Variants in ANKRD6 observed in about 807,000 individuals in gnomAD.
ANKRD6 encodes the protein ankyrin repeat domain-containing protein 6.
A neutral mutation model predicts 82.3 loss-of-function variants in ANKRD6; 56 were observed. The observed-to-expected ratio is 0.68, with a 90% CI of 0.55 to 0.85. The LOEUF is 0.85. ANKRD6 is among the 40% of genes least tolerant of loss of function. The pLI is 0.00. For missense variants in ANKRD6, 852 were observed against 907.6 expected (o/e 0.94, Z 0.79); for synonymous variants, 347 against 352.1 (o/e 0.99, Z 0.16).
At chr6:89,515,964 A>G (rs2127954258) in intron 1 of ANKRD6, among the ~76,000 whole-genome samples, 1 of 152,368 alleles carries the variant, frequency 6.6e-6, no homozygotes, top group East Asian at 1.9e-4. Context: ...ATCTGCAGCC[A>G]CAAGAAGCTA....
intron 2 of ANKRD6, among the ~76,000 whole-genome samples, chr6:89,576,472 G>A (rs1242412020): frequency 6.6e-6 from 1 of 152,186 alleles, no homozygotes; most frequent in African/African-American, 2.4e-5. Flanking sequence ...TATCTCTGGA[G>A]CAGATTATTA....
chr6:89,575,769 C>T (rs992550618), intron 2 of ANKRD6, among the ~76,000 whole-genome samples: 6 of 152,166 alleles, frequency 3.9e-5, no homozygotes, highest in African/African-American at 1.2e-4. Context: ...ATAGGGCATG[C>T]CAGAGCCCAG....
chr6:89,483,718 A>G (rs542975491), intron 1 of ANKRD6, among the ~76,000 whole-genome samples: 5 of 152,344 alleles, frequency 3.3e-5, no homozygotes, highest in Admixed American at 3.3e-4. Context: ...AATGAATACT[A>G]CTAGGTGATT....
intron 2 of ANKRD6, among the ~76,000 whole-genome samples, chr6:89,583,771 T>G (rs1188135668): frequency 6.6e-6 from 1 of 152,244 alleles, no homozygotes; most frequent in Admixed American, 6.5e-5. Context: ...AATTGCAATG[T>G]CTTTTCCTCC....
intron 1 of ANKRD6, among the ~76,000 whole-genome samples, chr6:89,500,514 A>G (rs1380854127): frequency 6.6e-6 from 1 of 152,226 alleles, no homozygotes; most frequent in Non-Finnish European, 1.5e-5. Flanking sequence ...TAATAAAGCA[A>G]TACATTAAAA....
intron 2 of ANKRD6, among the ~76,000 whole-genome samples, chr6:89,585,543 GA>G (rs1256464686): frequency 6.6e-6 from 1 of 152,206 alleles, no homozygotes; most frequent in African/African-American, 2.4e-5. Context: ...ATGGGCCCAA[GA>G]ATAAGCAGAA....
At chr6:89,460,961 G>C (rs1044345531) in intron 1 of ANKRD6, among the ~76,000 whole-genome samples, 3 of 149,092 alleles carry the variant, frequency 2.0e-5, no homozygotes, top group Non-Finnish European at 4.4e-5. Context: ...AGTGCAGTAA[G>C]CTGTTCACAG....
chr6:89,569,709 G>C (rs1323855226), intron 2 of ANKRD6, among the ~76,000 whole-genome samples: 1 of 152,140 alleles, frequency 6.6e-6, no homozygotes, highest in African/African-American at 2.4e-5. Context: ...CATTCTACCA[G>C]CAATGTATGA....
intron 1 of ANKRD6, among the ~76,000 whole-genome samples, chr6:89,458,948 A>G (rs771734413): frequency 3.9e-5 from 6 of 152,200 alleles, no homozygotes; most frequent in Non-Finnish European, 8.8e-5. Context: ...TGCCACCCCC[A>G]CATTTGACAT....
intron 1 of ANKRD6, among the ~76,000 whole-genome samples, chr6:89,490,846 A>G (rs1383179790): frequency 6.6e-6 from 1 of 152,158 alleles, no homozygotes; most frequent in Non-Finnish European, 1.5e-5. Context: ...CCCCCAAAAG[A>G]TAAGTCCATG....
At chr6:89,503,576 ATATT>A (rs1398264252) in intron 1 of ANKRD6, among the ~76,000 whole-genome samples, 1 of 152,180 alleles carries the variant, frequency 6.6e-6, no homozygotes, top group African/African-American at 2.4e-5. Flanking sequence ...AATTCAATAA[ATATT>A]AAGTGCCTGC....
chr6:89,530,911 G>C (rs1019027483), intron 1 of ANKRD6, among the ~76,000 whole-genome samples: 1 of 152,170 alleles, frequency 6.6e-6, no homozygotes, highest in Admixed American at 6.5e-5. Flanking sequence ...ACTACCTCAA[G>C]GAACAGATCT....
chr6:89,525,371 G>A (rs1782369477), intron 1 of ANKRD6, among the ~76,000 whole-genome samples: 1 of 151,454 alleles, frequency 6.6e-6, no homozygotes, highest in South Asian at 2.1e-4. Context: ...AGAGCTCTCA[G>A]ATGGCAGCAA....
At chr6:89,441,558 A>G (rs1771382408) in intron 1 of ANKRD6, among the ~76,000 whole-genome samples, 1 of 149,840 alleles carries the variant, frequency 6.7e-6, no homozygotes, top group South Asian at 2.1e-4. Flanking sequence ...CCTGTAAAGC[A>G]TTTAAAGAGG....
intron 1 of ANKRD6, among the ~76,000 whole-genome samples, chr6:89,500,179 A>G (rs566079557): frequency 6.6e-6 from 1 of 152,246 alleles, no homozygotes; most frequent in African/African-American, 2.4e-5. Flanking sequence ...TCTGTCACTG[A>G]GACAGCTTCT....
intron 6 of ANKRD6, 135 bp downstream of exon 6, chr6:89,612,505 T>G: frequency 2.2e-6 from 2 of 927,492 alleles, no homozygotes; most frequent in Non-Finnish European, 3.1e-6. Flanking sequence ...TCTAAAGTGT[T>G]CTTTTTTTGG....
chr6:89,442,197 T>C (rs972581123), intron 1 of ANKRD6, among the ~76,000 whole-genome samples: 1 of 152,104 alleles, frequency 6.6e-6, no homozygotes, highest in Non-Finnish European at 1.5e-5. Context: ...GGTTTCGCCA[T>C]GTTCCCTAGG....
At chr6:89,616,255 C>G in intron 7 of ANKRD6, 1 of 351,916 alleles carries the variant, frequency 2.8e-6, no homozygotes, top group Non-Finnish European at 5.2e-6. Flanking sequence ...CTCCTGTCCT[C>G]GTGAGGCTTC....
In ANKRD6 at chr6:89,624,640, G is replaced by C. The variant is rs1198243595; in HGVS notation, c.1320G>C (p.Gln440His). ...TAAAAGCAGAGCTGGGATCGGTTCA[G>C]GACAAAATGAATACAAAGCTGGGGC... ...EEIKAELGSVQDKMNTKLGQM... is the reference protein window; with the variant it reads ...EEIKAELGSVHDKMNTKLGQM... Residue 440 changes from glutamine to histidine, a missense_variant, in exon 13 of 16, where the codon CAG becomes CAC. Coordinates refer to ENST00000339746, the MANE Select transcript of ANKRD6 (RefSeq NM_001242809.2). 1 of 1,592,938 alleles carries C rather than the reference G, an allele frequency of 6.3e-7. No homozygotes were observed. Among genetic ancestry groups the C allele is most frequent in the Non-Finnish European group, 8.6e-7 (1 of 1,169,418 alleles).
Sources: gnomAD v4.1 joint callset for allele counts (sites outside exome capture counted in the v4.1 genomes callset) on GRCh38, gnomAD v4.1.1 for gene constraint, MANE v1.5 for transcripts, NCBI Gene and HGNC (gene_info 2026-07-23, HGNC 2026-07-21) for gene names.